The following MYBPC2 variants were observed in gnomAD, a reference collection of about 807,000 sequenced individuals.
MYBPC2 encodes myosin binding protein C2.
Under a neutral mutation model 137.0 loss-of-function variants are expected in MYBPC2, and 122 were observed. That is an observed-to-expected ratio of 0.89 (90% CI 0.77 to 1.03). The LOEUF is 1.03. Among genes scored for constraint, MYBPC2 ranks in the 50% least tolerant of loss-of-function variants. MYBPC2 has a pLI of 0.00. For missense variants in MYBPC2, 1,500 were observed against 1,534.4 expected (o/e 0.98, Z 0.37); for synonymous variants, 626 against 612.3 (o/e 1.02, Z -0.33).
rs201049632 is a variant in MYBPC2, at chr19:50,461,750, G to A, written c.3091+49G>A. The A allele has an allele frequency of 1.2e-4, 199 of 1,606,464 alleles. 2 individuals carry two copies. In the African/African-American group the frequency reaches 2.1e-3, roughly 17 times the overall value. ...CCAGGCCCACCCCGTCCACCCTCTC[G>A]CCCAGGTCCCACCTGGACTCCTGCC... is the stretch of plus-strand genomic sequence containing the variant. On this transcript the variant is annotated intron_variant, in intron 25 of 27. Transcript: ENST00000357701.
intron 6 of MYBPC2, 23 bp downstream of exon 6, chr19:50,437,544 C>A: frequency 6.2e-7 from 1 of 1,606,746 alleles, no homozygotes; most frequent in Non-Finnish European, 8.5e-7. Context: ...AGGCCCTTAC[C>A]AGGGTCCCAA....
rs371848671 is a variant in MYBPC2 at position 50,437,728 on chromosome 19, G to A, written c.572+10G>A. The A allele has an allele frequency of 3.3e-5, 53 of 1,598,478 alleles. No homozygotes were observed. Among genetic ancestry groups the A allele is most frequent in the Non-Finnish European group, 4.3e-5 (51 of 1,172,622 alleles). Reference sequence around the variant, plus strand: ...GCCTGTTGAAGAAGAGGTGAGCCCCGGACTTGGCACAGAGAGGGGAGATGG... The same window carrying A: ...GCCTGTTGAAGAAGAGGTGAGCCCCAGACTTGGCACAGAGAGGGGAGATGG... On this transcript the variant is annotated intron_variant, in intron 7 of 27. Coordinates refer to ENST00000357701, the MANE Select transcript of MYBPC2 (RefSeq NM_004533.4).
At chr19:50,437,386 G>A in intron 5 of MYBPC2, 87 bp from the exon 6 acceptor site, 3 of 1,387,908 alleles carry the variant, frequency 2.2e-6, no homozygotes, top group Middle Eastern at 1.8e-4. Flanking sequence ...GCCTGGAAGA[G>A]GTTGTGCAGG....
In MYBPC2 at chr19:50,448,407, A is replaced by G. The variant is rs2122595725; in HGVS notation, c.1472+17A>G. On this transcript the variant is annotated intron_variant, in intron 13 of 27. Transcript: ENST00000357701. Reference sequence around the variant, plus strand: ...TGTAGGCAGGTGAGGAGTGGGCTGCAGAAGTGGCTGGGGGTAGGGTGTGCA... The same window carrying G: ...TGTAGGCAGGTGAGGAGTGGGCTGCGGAAGTGGCTGGGGGTAGGGTGTGCA... 1.9e-6 allele frequency: 3 copies of G among 1,612,262 alleles called. No individual in the cohort carries two copies. Among genetic ancestry groups the G allele is most frequent in the Non-Finnish European group, 2.5e-6 (3 of 1,178,700 alleles).
At position 50,465,501 on chromosome 19, in the gene MYBPC2, C is replaced by T. The variant is rs1384932933; in HGVS notation, c.3416-694C>T. 6.6e-6 allele frequency among the ~76,000 whole-genome samples: 1 copy of T among 152,176 alleles called. No homozygotes were observed. The highest frequency in any genetic ancestry group is 1.5e-5 in the Non-Finnish European group (1 of 68,026). On this transcript the variant is annotated intron_variant, in intron 27 of 27. Coordinates refer to ENST00000357701, the MANE Select transcript of MYBPC2 (RefSeq NM_004533.4). The surrounding 1 kb of genome is among the most constrained non-coding windows in gnomAD (Gnocchi z 4.5). ...CCTCTGACTTCCCTGGCTCTGAGGA[C>T]AGCCCAGCAGACAGGGTGGCTGGGG...
chr19:50,455,491 T>C lies in MYBPC2; in HGVS notation c.2204-19T>C. ...GACCCCTCATTCCCCCCATATCCTCTTTTTCTGGATGCTTGCAGCACCCAC... is the reference window on the plus strand; with the variant it reads ...GACCCCTCATTCCCCCCATATCCTCCTTTTCTGGATGCTTGCAGCACCCAC... On this transcript the variant is annotated intron_variant, in intron 19 of 27. Coordinates refer to ENST00000357701, the MANE Select transcript of MYBPC2 (RefSeq NM_004533.4). The C allele has an allele frequency of 6.2e-7, 1 of 1,608,900 alleles. No homozygotes were observed. Among genetic ancestry groups the C allele is most frequent in the Non-Finnish European group, 8.5e-7 (1 of 1,176,136 alleles).
chr19:50,439,522 G>A (rs896103075), intron 7 of MYBPC2, among the ~76,000 whole-genome samples: 2 of 149,864 alleles, frequency 1.3e-5, no homozygotes, highest in Non-Finnish European at 3.0e-5. Context: ...GAGGCCTCCC[G>A]TCTACTAGGT....
chr19:50,458,557 G>A (rs1391075943), intron 20 of MYBPC2, 30 bp from the exon 21 acceptor site: 1 of 1,605,696 alleles, frequency 6.2e-7, no homozygotes, highest in African/African-American at 1.3e-5. Flanking sequence ...AGGAGGGCAC[G>A]AGATCCGCCA....
At chr19:50,446,347 C>A (rs893504772) in intron 12 of MYBPC2, among the ~76,000 whole-genome samples, 2 of 151,498 alleles carry the variant, frequency 1.3e-5, no homozygotes, top group Non-Finnish European at 2.9e-5. Context: ...CCCATCTCTA[C>A]TAAAAATACA....
intron 11 of MYBPC2, among the ~76,000 whole-genome samples, chr19:50,445,134 C>T (rs1054868289): frequency 5.9e-5 from 9 of 152,010 alleles, no homozygotes; most frequent in Non-Finnish European, 1.0e-4. Flanking sequence ...GGGAAGTCTT[C>T]CTGGAGGAGA....
At chr19:50,464,245 T>C in intron 26 of MYBPC2, 101 bp from the exon 27 acceptor site, 1 of 1,041,546 alleles carries the variant, frequency 9.6e-7, no homozygotes. Context: ...GGCAAGAGGG[T>C]GGCAGAGCCT....
chr19:50,458,523 G>A (rs1473969779), intron 20 of MYBPC2, 64 bp from the exon 21 acceptor site: 7 of 1,572,878 alleles, frequency 4.5e-6, no homozygotes, highest in Non-Finnish European at 6.0e-6. Context: ...CAAGTCCCCG[G>A]GAGAAACGGG....
chr19:50,452,175 G>A (rs984803353), intron 16 of MYBPC2, among the ~76,000 whole-genome samples, 172 bp downstream of exon 16: 1 of 152,186 alleles, frequency 6.6e-6, no homozygotes, highest in Non-Finnish European at 1.5e-5. Context: ...CCTAGCACAT[G>A]GTGGATGCTC....
At chr19:50,460,321 T>G in intron 24 of MYBPC2, 142 bp downstream of exon 24, 1 of 1,206,126 alleles carries the variant, frequency 8.3e-7, no homozygotes, top group Non-Finnish European at 1.1e-6. Flanking sequence ...GCCTTTTAGC[T>G]GAGACTTGGC....
intron 16 of MYBPC2, 25 bp downstream of exon 16, chr19:50,452,028 C>T (rs1237874048): frequency 6.5e-7 from 1 of 1,548,990 alleles, no homozygotes; most frequent in Admixed American, 2.0e-5. Context: ...CCCCTCTGTC[C>T]TCACTCCCTT....
intron 12 of MYBPC2, among the ~76,000 whole-genome samples, chr19:50,447,880 T>A (rs1158425725): frequency 6.6e-6 from 1 of 151,622 alleles, no homozygotes; most frequent in African/African-American, 2.4e-5. Flanking sequence ...ATAAATAAAA[T>A]AAAATAAATA....
At position 50,443,593 on chromosome 19, in the gene MYBPC2, G is replaced by A; in HGVS notation, c.1002G>A (p.Lys334=). 2 of 1,613,482 alleles carry A rather than the reference G, an allele frequency of 1.2e-6. No homozygotes were observed. The highest frequency in any genetic ancestry group is 1.1e-5 in the South Asian group (1 of 90,974). ...AAYEVAVKDE[K]CFTELFVKEP... Reference sequence around the variant, plus strand: ...ATGAAGTAGCTGTCAAGGATGAGAAGTGTTTCACCGAGCTCTTCGTCAAAG... The same window carrying A: ...ATGAAGTAGCTGTCAAGGATGAGAAATGTTTCACCGAGCTCTTCGTCAAAG... The change falls in exon 10 of 28, where the codon AAG becomes AAA. Residue 334 remains lysine (K), a synonymous_variant. Coordinates refer to ENST00000357701, the MANE Select transcript of MYBPC2 (RefSeq NM_004533.4).
chr19:50,456,652 G>T (rs2039917486), intron 20 of MYBPC2, among the ~76,000 whole-genome samples: 1 of 151,856 alleles, frequency 6.6e-6, no homozygotes, highest in African/African-American at 2.4e-5. Flanking sequence ...TAGCCAGGAT[G>T]GTCTTGATCT....
At chr19:50,455,368 C>A (rs1344317442) in intron 19 of MYBPC2, 72 bp downstream of exon 19, 5 of 1,566,446 alleles carry the variant, frequency 3.2e-6, no homozygotes, top group South Asian at 1.2e-5. Context: ...CCGTCCACCT[C>A]TGGCCCATCT....
Sources: allele counts gnomAD v4.1 joint callset (sites outside exome capture counted in the v4.1 genomes callset), GRCh38; gene constraint gnomAD v4.1.1; non-coding constraint Gnocchi (gnomAD v3.1); transcripts MANE v1.5; gene names NCBI Gene and HGNC (gene_info 2026-07-23, HGNC 2026-07-21).